Variants in DNMT3A observed in about 807,000 individuals in gnomAD.
The protein encoded by DNMT3A is DNA methyltransferase 3 alpha.
In DNMT3A, 267 loss-of-function variants were observed where a neutral mutation model predicts 117.6. That is an observed-to-expected ratio of 2.27 (90% confidence interval 2.05 to 2.51). DNMT3A has a LOEUF of 2.51. Ranked by LOEUF, DNMT3A falls within the 30% of genes most tolerant of loss-of-function variation. DNMT3A has a pLI of 0.00. For missense variants in DNMT3A, 1,029 were observed against 1,260.2 expected, an observed-to-expected ratio of 0.82 and a Z score of 2.78; for synonymous variants, 432 against 474.8, an observed-to-expected ratio of 0.91 and a Z score of 1.17.
In DNMT3A at chr2:25,247,838, C is replaced by G; in HGVS notation, c.856-89G>C. The G allele has an allele frequency of 1.3e-6, 2 of 1,563,278 alleles. No homozygotes were observed. The highest frequency in any genetic ancestry group is 2.7e-5 in the African/African-American group (2 of 73,204). ...CCATGGCAACCCCAGCCCTGGGCATCTGGGGGGCAGGACAGCCAGGAGGGA... is the reference window on the plus strand; with the variant it reads ...CCATGGCAACCCCAGCCCTGGGCATGTGGGGGGCAGGACAGCCAGGAGGGA... On this transcript the variant is annotated intron_variant, in intron 7 of 22. Coordinates refer to ENST00000321117, the MANE Select transcript of DNMT3A (RefSeq NM_022552.5). This position sits in a 1 kb window ranked among gnomAD's most constrained non-coding sequence, Gnocchi z 5.6.
At chr2:25,332,238 C>T (rs996605664) in intron 1 of DNMT3A, among the ~76,000 whole-genome samples, 3 of 152,170 alleles carry the variant, frequency 2.0e-5, no homozygotes, top group South Asian at 2.1e-4. Context: ...CCCCTGGCTT[C>T]GTATCCCATC....
chr2:25,235,500 C>T (rs990586051), intron 22 of DNMT3A, among the ~76,000 whole-genome samples: 1 of 152,154 alleles, frequency 6.6e-6, no homozygotes, highest in Non-Finnish European at 1.5e-5. Flanking sequence ...ACTCCTCTTA[C>T]TTGGGACCAG....
chr2:25,312,379 G>T (rs539151992), intron 2 of DNMT3A, among the ~76,000 whole-genome samples: 3 of 152,212 alleles, frequency 2.0e-5, no homozygotes, highest in African/African-American at 7.2e-5. Context: ...CGCCCCGGGC[G>T]TCCTGCCCAG....
chr2:25,240,367 AG>A lies in DNMT3A; in HGVS notation c.2256del (p.Trp753GlyfsTer26), dbSNP rs770968422. On this transcript the variant is annotated frameshift_variant, in exon 19 of 23. Transcript: ENST00000321117. LOFTEE classifies it high-confidence loss of function. The stretch of plus-strand genomic sequence containing the variant: ...ATGGCCACCACATTCTCAAAGAGCC[AG>A]AAGAAGGGGCGATCATCTCCCTCCT... ...RPKEGDDRPF[F>X]WLFENVVAMG... 1 of 1,614,040 alleles carries A rather than the reference AG, an allele frequency of 6.2e-7. No homozygotes were observed.
chr2:25,267,915 T>G (rs1388101582), intron 6 of DNMT3A, among the ~76,000 whole-genome samples: 2 of 152,182 alleles, frequency 1.3e-5, no homozygotes, highest in Non-Finnish European at 2.9e-5. Context: ...TACAGCCAAG[T>G]CCATCCACAG....
chr2:25,340,571 C>A (rs2035382134), intron 1 of DNMT3A, among the ~76,000 whole-genome samples: 1 of 152,062 alleles, frequency 6.6e-6, no homozygotes, highest in Non-Finnish European at 1.5e-5. Context: ...GGGCGGGACA[C>A]GGACAGCCGC....
rs1428755189 is a variant in DNMT3A, at chr2:25,229,782, G to GTACTC, written c.*4492_*4496dup. 2.0e-5 allele frequency: 3 copies of GTACTC among 152,174 alleles called. No individual in the cohort carries two copies. The highest frequency in any genetic ancestry group is 1.3e-4 in the Admixed American group (2 of 15,272). The allele number at this position is 152,174 out of a possible 1,614,324, so 9.4% of individuals were successfully genotyped here. ...AGGAATTCAAAACTGCCTCCCAAAT[G>GTACTC]TACTCTATTTATATAAGCAAAACTA... On this transcript the variant is annotated 3_prime_UTR_variant, in exon 23 of 23. Transcript: ENST00000321117.
intron 6 of DNMT3A, among the ~76,000 whole-genome samples, chr2:25,272,692 AG>A (rs935176983): frequency 1.3e-5 from 2 of 152,128 alleles, no homozygotes; most frequent in African/African-American, 4.8e-5. Context: ...GACCTCAGAC[AG>A]GCTGCCCTTT....
At chr2:25,276,004 A>G (rs921758701) in intron 4 of DNMT3A, among the ~76,000 whole-genome samples, 36 of 152,142 alleles carry the variant, frequency 2.4e-4, no homozygotes, top group African/African-American at 8.7e-4. Context: ...CTGGCCCTGC[A>G]AGGGAGTGTT....
intron 6 of DNMT3A, among the ~76,000 whole-genome samples, chr2:25,271,239 C>T (rs371787050): frequency 7.2e-5 from 11 of 152,062 alleles, no homozygotes; most frequent in African/African-American, 2.2e-4. Context: ...CCCAGCCACT[C>T]GGGAGGCTGA....
rs1461571129 is a variant in DNMT3A at position 25,305,439 on chromosome 2, A to C, written c.73-5196T>G. ...TGATGCGCTGGGCTATGACGATAAT[A>C]ATCTCTCACATTTGCACTGAACGTG... On this transcript the variant is annotated intron_variant, in intron 2 of 22. Coordinates refer to ENST00000321117, the MANE Select transcript of DNMT3A (RefSeq NM_022552.5). The surrounding 1 kb of genome is among the most constrained non-coding windows in gnomAD (Gnocchi z 4.1). Among the ~76,000 whole-genome samples the C allele has an allele frequency of 6.6e-6, 1 of 152,212 alleles. No individual in the cohort carries two copies. Among genetic ancestry groups the C allele is most frequent in the Non-Finnish European group, 1.5e-5 (1 of 68,036 alleles).
intron 3 of DNMT3A, among the ~76,000 whole-genome samples, chr2:25,283,357 C>G (rs899087134): frequency 5.3e-5 from 7 of 133,180 alleles, no homozygotes; most frequent in African/African-American, 2.1e-4. Context: ...CAAGACTCCG[C>G]CTCAAAAAAA....
At position 25,311,444 on chromosome 2, in the gene DNMT3A, T is replaced by C. The variant is rs1018326905; in HGVS notation, c.72+2469A>G. ...CCAGCCCAGAGGTGCCGGGGAAGTGTGCCAGGTGAGCCAGCATGCGTGGTG... is the reference window on the plus strand; with the variant it reads ...CCAGCCCAGAGGTGCCGGGGAAGTGCGCCAGGTGAGCCAGCATGCGTGGTG... On this transcript the variant is annotated intron_variant, in intron 2 of 22. Transcript: ENST00000321117. The surrounding 1 kb of genome is among the most constrained non-coding windows in gnomAD (Gnocchi z 5.2). Among the ~76,000 whole-genome samples the C allele has an allele frequency of 6.6e-6, 1 of 152,126 alleles. No homozygotes were observed. The highest frequency in any genetic ancestry group is 2.4e-5 in the African/African-American group (1 of 41,414).
At chr2:25,277,142 T>C (rs1029597630) in intron 4 of DNMT3A, among the ~76,000 whole-genome samples, 1 of 152,180 alleles carries the variant, frequency 6.6e-6, no homozygotes, top group Admixed American at 6.5e-5. Context: ...GGGCGTCTTG[T>C]CGCGGGCACC....
At chr2:25,285,659 G>A (rs2149384467) in intron 3 of DNMT3A, among the ~76,000 whole-genome samples, 1 of 152,348 alleles carries the variant, frequency 6.6e-6, no homozygotes, top group East Asian at 1.9e-4. Context: ...GCAGAGCCAG[G>A]AAGGCCAAAT....
chr2:25,302,209 C>T (rs987357206), intron 2 of DNMT3A, among the ~76,000 whole-genome samples: 3 of 152,100 alleles, frequency 2.0e-5, no homozygotes, highest in East Asian at 1.9e-4. Flanking sequence ...AGAGAATGCT[C>T]GGAGGTGCAG....
In DNMT3A at chr2:25,241,582, G is replaced by T. The variant is rs1484795800; in HGVS notation, c.2062C>A (p.Arg688Ser). ...QGKIMYVGDV[R>S]SVTQKHIQEW... ...CATACATGCTTCTGTGTGACGCTGC[G>T]GACGTCCCCGACGTACATGATCTTC... The change falls in exon 17 of 23, where the codon CGC (arginine) becomes AGC (serine). Residue 688 changes from arginine to serine, a missense_variant. Transcript: ENST00000321117. 6.2e-7 allele frequency: 1 copy of T among 1,613,722 alleles called. No homozygotes were observed. The highest frequency in any genetic ancestry group is 8.5e-7 in the Non-Finnish European group (1 of 1,179,820).
At chr2:25,275,224 TG>T in intron 5 of DNMT3A, 137 bp from the exon 6 acceptor site, 1 of 1,294,338 alleles carries the variant, frequency 7.7e-7, no homozygotes, top group Non-Finnish European at 1.0e-6. Context: ...GCAGGCCCCG[TG>T]TGGGCTGGAG....
rs372757927 is a variant in DNMT3A at position 25,257,347 on chromosome 2, C to T, written c.640-9095G>A. On this transcript the variant is annotated intron_variant, in intron 6 of 22. Coordinates refer to ENST00000321117, the MANE Select transcript of DNMT3A (RefSeq NM_022552.5). This position sits in a 1 kb window ranked among gnomAD's most constrained non-coding sequence, Gnocchi z 4.8. ...TGATGCTCTAAGTGGGGCAGACATT[C>T]CCCCTGTCCCTCAGTAACCCATCTC... Among the ~76,000 whole-genome samples, 1 of 152,306 alleles carries T rather than the reference C, an allele frequency of 6.6e-6. No homozygotes were observed. The highest frequency in any genetic ancestry group is 1.5e-5 in the Non-Finnish European group (1 of 68,012).
Sources: gnomAD v4.1 joint callset for allele counts (sites outside exome capture counted in the v4.1 genomes callset) on GRCh38, gnomAD v4.1.1 for gene constraint, Gnocchi (gnomAD v3.1) non-coding constraint, MANE v1.5 for transcripts, NCBI Gene and HGNC (gene_info 2026-07-23, HGNC 2026-07-21) for gene names.